Variants in FMNL2 observed in about 807,000 individuals in gnomAD.
FMNL2 encodes the protein formin like 2.
In FMNL2, 51 loss-of-function variants were observed where a neutral mutation model predicts 130.2. The ratio of observed to expected loss-of-function variants is 0.39; its 90% CI spans 0.31 to 0.49. The LOEUF (loss-of-function observed/expected upper bound fraction) is 0.49, where lower values mean the gene tolerates loss of function less well. FMNL2 is among the 20% of genes least tolerant of loss of function. The pLI is 0.85. For synonymous variants in FMNL2, 465 were observed against 467.1 expected, an observed-to-expected ratio of 1.00 and a Z score of 0.06; for missense variants, 977 against 1,316.2, an observed-to-expected ratio of 0.74 and a Z score of 3.99.
At chr2:152,508,401 A>G (rs922975304) in intron 1 of FMNL2, among the ~76,000 whole-genome samples, 1 of 152,230 alleles carries the variant, frequency 6.6e-6, no homozygotes, top group Non-Finnish European at 1.5e-5. Context: ...TCCCTCTGGA[A>G]GAAGACAGAT....
Position 152,425,350 on chromosome 2 carries a change from C to T in FMNL2, c.117+89630C>T, listed in dbSNP as rs181074402. Among the ~76,000 whole-genome samples the T allele has an allele frequency of 2.6e-5, 4 of 152,264 alleles. No individual in the cohort carries two copies. In the East Asian group the frequency reaches 7.7e-4, roughly 29 times the overall value. ...TAACTGCCAAGTGGTCTTATAATTT[C>T]CCTCCATTCTGTCCTGGTGATTAAT... On this transcript the variant is annotated intron_variant, in intron 1 of 25. Coordinates refer to ENST00000288670, the MANE Select transcript of FMNL2 (RefSeq NM_052905.4).
At chr2:152,600,295 C>T (rs1041468072) in intron 9 of FMNL2, among the ~76,000 whole-genome samples, 2 of 152,120 alleles carry the variant, frequency 1.3e-5, no homozygotes, top group Non-Finnish European at 2.9e-5. Context: ...TTGAGGCAGG[C>T]GCCAGGCAAC....
chr2:152,341,771 G>A (rs533387968), intron 1 of FMNL2, among the ~76,000 whole-genome samples: 9 of 152,296 alleles, frequency 5.9e-5, no homozygotes, highest in Admixed American at 2.0e-4. Context: ...GGTGTTCTGT[G>A]TGGTCTAAAG....
intron 10 of FMNL2, among the ~76,000 whole-genome samples, chr2:152,610,693 T>C (rs1317938059): frequency 1.3e-5 from 2 of 152,260 alleles, no homozygotes; most frequent in Non-Finnish European, 2.9e-5. Context: ...TATCGATTAA[T>C]GGACATTGGC....
chr2:152,636,838 A>G (rs1682654622), intron 22 of FMNL2, among the ~76,000 whole-genome samples: 1 of 151,948 alleles, frequency 6.6e-6, no homozygotes, highest in Non-Finnish European at 1.5e-5. Flanking sequence ...TTTCACTTCA[A>G]TACTCACTCC....
At chr2:152,564,982 G>A (rs1695750760) in intron 6 of FMNL2, among the ~76,000 whole-genome samples, 3 of 152,066 alleles carry the variant, frequency 2.0e-5, no homozygotes, top group Non-Finnish European at 2.9e-5. Context: ...TATTGATGCA[G>A]TAGAGACCTG....
intron 1 of FMNL2, among the ~76,000 whole-genome samples, chr2:152,484,726 C>G (rs1351461023): frequency 1.3e-5 from 2 of 152,220 alleles, no homozygotes; most frequent in Non-Finnish European, 2.9e-5. Flanking sequence ...GGTGCCCCTG[C>G]ACTCCAGCCT....
At chr2:152,496,447 A>AG (rs1169027927) in intron 1 of FMNL2, among the ~76,000 whole-genome samples, 1 of 152,228 alleles carries the variant, frequency 6.6e-6, no homozygotes, top group Non-Finnish European at 1.5e-5. Flanking sequence ...GGGGCCTGCC[A>AG]GATGTCTCCA....
At chr2:152,374,606 G>A (rs1276051302) in intron 1 of FMNL2, among the ~76,000 whole-genome samples, 1 of 152,132 alleles carries the variant, frequency 6.6e-6, no homozygotes, top group Non-Finnish European at 1.5e-5. Context: ...AAAAAATTCT[G>A]CATTAAACCC....
intron 25 of FMNL2, among the ~76,000 whole-genome samples, chr2:152,645,082 T>C (rs6730004): frequency 0.032 from 4,947 of 152,306 alleles, 153 homozygotes; most frequent in African/African-American, 0.081. Flanking sequence ...TCAAAGGACA[T>C]AGAGTGTCAT....
intron 1 of FMNL2, among the ~76,000 whole-genome samples, chr2:152,417,558 C>T (rs1018149079): frequency 6.6e-6 from 1 of 152,148 alleles, no homozygotes; most frequent in South Asian, 2.1e-4. Context: ...GTGCACATCA[C>T]CCAAGGTGAT....
intron 9 of FMNL2, among the ~76,000 whole-genome samples, chr2:152,603,408 T>TG (rs1326916214): frequency 6.6e-6 from 1 of 150,762 alleles, no homozygotes; most frequent in African/African-American, 2.4e-5. Flanking sequence ...TGTTTTTTTT[T>TG]TTTTTTTTAA....
intron 1 of FMNL2, among the ~76,000 whole-genome samples, chr2:152,467,668 C>T (rs913624337): frequency 2.0e-5 from 3 of 152,186 alleles, no homozygotes; most frequent in Non-Finnish European, 4.4e-5. Flanking sequence ...AGGGTTAATT[C>T]TGATTGCCAT....
intron 1 of FMNL2, among the ~76,000 whole-genome samples, chr2:152,471,382 G>C (rs943883027): frequency 6.6e-6 from 1 of 152,202 alleles, no homozygotes; most frequent in African/African-American, 2.4e-5. Flanking sequence ...GAGGAGTGAG[G>C]CTGTTTAGAT....
chr2:152,621,881 A>T lies in FMNL2; in HGVS notation c.1837+2163A>T, dbSNP rs142343621. Among the ~76,000 whole-genome samples the T allele has an allele frequency of 5.7e-4, 87 of 152,286 alleles. 1 individual carries two copies. In the East Asian group the frequency reaches 0.015, roughly 26 times the overall value. On this transcript the variant is annotated intron_variant, in intron 15 of 25. Transcript: ENST00000288670. ...GCTAATATTCTGAAGCCTCCTGGGAAGTCAGAAACCTATGACATCACTTGG... is the reference window on the plus strand; with the variant it reads ...GCTAATATTCTGAAGCCTCCTGGGATGTCAGAAACCTATGACATCACTTGG...
Position 152,619,079 on chromosome 2 carries a change from C to A in FMNL2, c.1548C>A (p.Pro516=). The change falls in exon 14 of 26, where the codon CCC becomes CCA. Residue 516 remains proline (P), a synonymous_variant. Coordinates refer to ENST00000288670, the MANE Select transcript of FMNL2 (RefSeq NM_052905.4). ...SEVVAGNSVG[P]TMGAASSGPL... is the part of the protein sequence containing the mutation. ...TGGTAGCAGGTAACTCTGTGGGACCCACAATGGGGGCCGCTTCCTCAGGAC... is the reference window on the plus strand; with the variant it reads ...TGGTAGCAGGTAACTCTGTGGGACCAACAATGGGGGCCGCTTCCTCAGGAC... 1 of 1,613,018 alleles carries A rather than the reference C, an allele frequency of 6.2e-7. No homozygotes were observed. The highest frequency in any genetic ancestry group is 1.1e-5 in the South Asian group (1 of 91,030).
chr2:152,396,845 C>T (rs6741664), intron 1 of FMNL2, among the ~76,000 whole-genome samples: 98,570 of 152,070 alleles, frequency 0.65, 32,692 homozygotes, highest in South Asian at 0.8. Context: ...TAAATTCCAT[C>T]ATTAAGAAAA....
chr2:152,390,262 G>C, intron 1 of FMNL2: 1 of 1,447,406 alleles, frequency 6.9e-7, no homozygotes, highest in Non-Finnish European at 9.7e-7. Context: ...CAGCACCTCC[G>C]GGTGGGGCTC....
intron 15 of FMNL2, chr2:152,625,202 C>A: frequency 2.3e-6 from 1 of 429,928 alleles, no homozygotes. Context: ...AAAATCAACC[C>A]TTGGCCCTTA....
Sources: gnomAD v4.1 joint callset for allele counts (sites outside exome capture counted in the v4.1 genomes callset) on GRCh38, gnomAD v4.1.1 for gene constraint, MANE v1.5 for transcripts, NCBI Gene and HGNC (gene_info 2026-07-23, HGNC 2026-07-21) for gene names.